The following ACSF3 variants were observed in gnomAD, a reference collection of about 807,000 sequenced individuals.
ACSF3 encodes acyl-CoA synthetase family member 3.
A neutral mutation model predicts 53.2 loss-of-function variants in ACSF3; 78 were observed. The ratio of observed to expected loss-of-function variants is 1.47; its 90% confidence interval spans 1.22 to 1.77. The LOEUF (loss-of-function observed/expected upper bound fraction) is 1.77, where lower values mean the gene tolerates loss of function less well. Ranked by LOEUF, ACSF3 falls within the 40% of genes most tolerant of loss-of-function variation. The pLI is 0.00. For missense variants in ACSF3, 937 were observed against 771.1 expected (o/e 1.22, Z -2.55); for synonymous variants, 414 against 333.1 (o/e 1.24, Z -2.65).
chr16:89,124,007 GGT>G (rs1228484442), intron 7 of ACSF3, among the ~76,000 whole-genome samples: 1 of 80,220 alleles, frequency 1.2e-5, no homozygotes, highest in African/African-American at 3.9e-5. Context: ...TGCACACACA[GGT>G]ATCACACGCA....
rs549569486 is a variant in ACSF3, at chr16:89,141,135, G to T, written c.1367-4132G>T. The T allele has an allele frequency of 2.6e-5, 34 of 1,287,192 alleles. No homozygotes were observed. In the African/African-American group the frequency reaches 4.9e-4, roughly 18 times the overall value. The allele number at this position is 1,287,192 out of a possible 1,614,324, so 79.7% of individuals were successfully genotyped here. A position where few individuals can be genotyped will look rare whatever the true frequency, so the allele number is the denominator to read the frequency against. On this transcript the variant is annotated intron_variant, in intron 8 of 10. Transcript: ENST00000614302. Reference sequence around the variant, plus strand: ...CCTCGCTGCCGCAGGACCTCCTCCCGCGGGGTGTCCGACCCGCTCTTGCTT... The same window carrying T: ...CCTCGCTGCCGCAGGACCTCCTCCCTCGGGGTGTCCGACCCGCTCTTGCTT...
intron 1 of ACSF3, among the ~76,000 whole-genome samples, chr16:89,094,203 C>A (rs998581210): frequency 2.0e-5 from 3 of 151,976 alleles, no homozygotes; most frequent in African/African-American, 7.2e-5. Flanking sequence ...GCGGGGCCCC[C>A]GCGCGGGGTG....
chr16:89,106,328 T>C (rs1975982311), intron 4 of ACSF3, among the ~76,000 whole-genome samples: 1 of 151,204 alleles, frequency 6.6e-6, no homozygotes, highest in African/African-American at 2.4e-5. Context: ...AGTCTCGCAC[T>C]GTTAGCCGGG....
At chr16:89,144,974 G>C (rs1340228510) in intron 8 of ACSF3, among the ~76,000 whole-genome samples, 1 of 152,220 alleles carries the variant, frequency 6.6e-6, no homozygotes, top group Non-Finnish European at 1.5e-5. Flanking sequence ...CTGCTGACCT[G>C]CCCCTGGAGG....
chr16:89,147,110 T>A (rs1913102434), intron 10 of ACSF3, among the ~76,000 whole-genome samples: 2 of 147,504 alleles, frequency 1.4e-5, no homozygotes, highest in Admixed American at 1.4e-4. Context: ...AGGCACATCC[T>A]ACATGGCCGG....
intron 5 of ACSF3, 172 bp from the exon 6 acceptor site, chr16:89,114,167 G>A (rs994030464): frequency 1.3e-6 from 1 of 798,618 alleles, no homozygotes; most frequent in African/African-American, 1.7e-5. Flanking sequence ...CTGCAGCGTT[G>A]GTCCCGGGTG....
In ACSF3 at chr16:89,112,197, C is replaced by T; in HGVS notation, c.928C>T (p.Gln310Ter). The T allele has an allele frequency of 6.2e-7, 1 of 1,614,206 alleles. No homozygotes were observed. Among genetic ancestry groups the T allele is most frequent in the Non-Finnish European group, 8.5e-7 (1 of 1,180,034 alleles). ...GGAGTACTACGACAGGCATTTTACC[C>T]AGCCGCACGCCCAGGATTTCTTGCG... ...LMEYYDRHFT[Q>*]PHAQDFLRAV... Residue 310 changes from glutamine to a stop codon, truncating the protein, a stop_gained, in exon 5 of 11, where the codon CAG becomes TAG. Transcript: ENST00000614302. LOFTEE classifies it high-confidence loss of function.
intron 1 of ACSF3, among the ~76,000 whole-genome samples, chr16:89,097,405 C>A (rs1974751420): frequency 1.3e-5 from 2 of 152,230 alleles, no homozygotes; most frequent in African/African-American, 4.8e-5. Context: ...TCCTTAGCAC[C>A]CCAGAAAGCA....
chr16:89,098,543 A>C, intron 1 of ACSF3, 48 bp from the exon 2 acceptor site: 1 of 408,842 alleles, frequency 2.4e-6, no homozygotes, highest in Non-Finnish European at 5.0e-6. Context: ...GCCTGTGGGA[A>C]GCGTTATACA....
At chr16:89,122,496 C>A in intron 7 of ACSF3, 2 of 405,514 alleles carry the variant, frequency 4.9e-6, no homozygotes, top group Non-Finnish European at 5.0e-6. Flanking sequence ...CCCTTCCTGG[C>A]TCTCAAGTCT....
chr16:89,126,185 T>C (rs375218781), intron 7 of ACSF3, among the ~76,000 whole-genome samples: 12 of 152,358 alleles, frequency 7.9e-5, no homozygotes, highest in African/African-American at 2.6e-4. Context: ...AAATGTTTCT[T>C]CTTTTCTTTA....
intron 4 of ACSF3, among the ~76,000 whole-genome samples, chr16:89,107,154 A>C (rs1348790108): frequency 6.6e-6 from 1 of 152,196 alleles, no homozygotes; most frequent in Non-Finnish European, 1.5e-5. Context: ...GGCGCCCTTC[A>C]GGGGGCCTCC....
At chr16:89,126,412 A>G (rs2151498302) in intron 7 of ACSF3, among the ~76,000 whole-genome samples, 1 of 152,066 alleles carries the variant, frequency 6.6e-6, no homozygotes, top group African/African-American at 2.4e-5. Flanking sequence ...GGGATTACAG[A>G]TGTGTGCCAC....
At position 89,156,033 on chromosome 16, in the gene ACSF3, ATG is replaced by A. The variant is rs1242128554; in HGVS notation, c.*1827_*1828del. On this transcript the variant is annotated 3_prime_UTR_variant, in exon 11 of 11. Coordinates refer to ENST00000614302, the MANE Select transcript of ACSF3 (RefSeq NM_001243279.3). ...GACCAGAATACGGTGCTCCAAGGAC[ATG>A]CGGTTGAATGCCGTGTTCTAAAGTC... 6.6e-6 allele frequency among the ~76,000 whole-genome samples: 1 copy of A among 152,188 alleles called. No individual in the cohort carries two copies. Among genetic ancestry groups the A allele is most frequent in the African/African-American group, 2.4e-5 (1 of 41,450 alleles).
Position 89,100,699 on chromosome 16 carries a change from G to C in ACSF3, c.18G>C (p.Val6=). MLPHV[V]LTFRRLGCAL... ...TCAGTGCAATGCTGCCCCATGTGGT[G>C]CTCACCTTCCGGCGCCTGGGCTGCG... The change falls in exon 3 of 11, where the codon GTG becomes GTC. Residue 6 remains valine, a synonymous_variant. Transcript: ENST00000614302. 6.4e-7 allele frequency: 1 copy of C among 1,558,426 alleles called. No homozygotes were observed. Among genetic ancestry groups the C allele is most frequent in the Non-Finnish European group, 8.6e-7 (1 of 1,159,056 alleles).
At chr16:89,124,292 G>A (rs909025005) in intron 7 of ACSF3, among the ~76,000 whole-genome samples, 8 of 152,282 alleles carry the variant, frequency 5.3e-5, no homozygotes, top group South Asian at 2.1e-4. Flanking sequence ...ACGAGGGGGC[G>A]CGTGTGCACA....
Position 89,112,227 on chromosome 16 carries a change from G to A in ACSF3, c.958G>A (p.Val320Ile). The A allele has an allele frequency of 6.2e-7, 1 of 1,614,212 alleles. No individual in the cohort carries two copies. Among genetic ancestry groups the A allele is most frequent in the South Asian group, 1.1e-5 (1 of 91,076 alleles). Residue 320 changes from valine to isoleucine, a missense_variant, in exon 5 of 11, where the codon GTT becomes ATT. Val to Ile is a conservative substitution (Grantham distance 29, BLOSUM62 3). Transcript: ENST00000614302. The part of the protein sequence containing the change: ...QPHAQDFLRA[V>I]CEEKIRLMVS... ...GCACGCCCAGGATTTCTTGCGTGCA[G>A]TTTGTGAAGAAAAAATTAGGTAAGT...
At chr16:89,132,842 G>A (rs963906364) in intron 7 of ACSF3, among the ~76,000 whole-genome samples, 21 of 152,284 alleles carry the variant, frequency 1.4e-4, no homozygotes, top group African/African-American at 5.1e-4. Flanking sequence ...CAAGTCTAGA[G>A]GATGGGGTAG....
In ACSF3 at chr16:89,136,775, T is replaced by C. The variant is rs539380599; in HGVS notation, c.1366+3513T>C. ...CTGCCTCAAGATCACACAGCGGGCT[T>C]GTGAGGCCAGGGGTCTCCGCTGCTG... On this transcript the variant is annotated intron_variant, in intron 8 of 10. Coordinates refer to ENST00000614302, the MANE Select transcript of ACSF3 (RefSeq NM_001243279.3). 5 of 1,287,274 alleles carry C rather than the reference T, an allele frequency of 3.9e-6. No individual in the cohort carries two copies. The Admixed American group carries it at 1.1e-4, about 30-fold the overall frequency. The allele number at this position is 1,287,274 out of a possible 1,614,324, so 79.7% of individuals were successfully genotyped here. A position where few individuals can be genotyped will look rare whatever the true frequency, so the allele number is the denominator to read the frequency against.
Sources: allele counts gnomAD v4.1 joint callset (sites outside exome capture counted in the v4.1 genomes callset), GRCh38; gene constraint gnomAD v4.1.1; transcripts MANE v1.5; gene names NCBI Gene and HGNC (gene_info 2026-07-23, HGNC 2026-07-21).